ADGB: variants seen among roughly 807,000 people sequenced by gnomAD.
ADGB encodes calpain-7-like protein.
ADGB carries 172 observed loss-of-function variants against 210.5 expected under a neutral mutation model. The ratio of observed to expected loss-of-function variants is 0.82; its 90% CI spans 0.72 to 0.93. The LOEUF is 0.93. Among genes scored for constraint, ADGB ranks in the 40% least tolerant of loss-of-function variants. The probability of loss-of-function intolerance (pLI) is 0.00; values close to 1 mark genes in which losing one functional copy is unlikely to be tolerated. For synonymous variants in ADGB, 658 were observed against 662.7 expected, an observed-to-expected ratio of 0.99 and a Z score of 0.11; for missense variants, 2,025 against 1,964.8, an observed-to-expected ratio of 1.03 and a Z score of -0.58.
At chr6:146,694,362 C>T (rs922978557) in intron 12 of ADGB, among the ~76,000 whole-genome samples, 39 of 152,256 alleles carry the variant, frequency 2.6e-4, no homozygotes, top group Non-Finnish European at 4.9e-4. Context: ...GGCATCTTAC[C>T]ACTGTGTACT....
intron 1 of ADGB, among the ~76,000 whole-genome samples, chr6:146,621,339 A>G (rs117696575): frequency 6.6e-6 from 1 of 152,216 alleles, no homozygotes; most frequent in South Asian, 2.1e-4. Flanking sequence ...GCCAAAATCC[A>G]TGCATCAGTT....
chr6:146,608,569 T>C (rs548606561), intron 1 of ADGB, among the ~76,000 whole-genome samples: 1 of 152,204 alleles, frequency 6.6e-6, no homozygotes, highest in South Asian at 2.1e-4. Context: ...TCTTATATGT[T>C]GTACCTTTGT....
intron 8 of ADGB, among the ~76,000 whole-genome samples, chr6:146,675,964 C>T (rs1436196134): frequency 6.6e-6 from 1 of 152,040 alleles, no homozygotes; most frequent in Non-Finnish European, 1.5e-5. Flanking sequence ...TCAGCACAGG[C>T]TTTGCTGTGT....
intron 33 of ADGB, among the ~76,000 whole-genome samples, chr6:146,790,070 A>G (rs1364805871): frequency 6.6e-6 from 1 of 152,194 alleles, no homozygotes; most frequent in East Asian, 1.9e-4. Context: ...TTAACAAATA[A>G]TTATATATAT....
At chr6:146,712,498 T>TTTTTG (rs1373454852) in intron 13 of ADGB, among the ~76,000 whole-genome samples, 4 of 152,180 alleles carry the variant, frequency 2.6e-5, no homozygotes, top group East Asian at 1.9e-4. Flanking sequence ...TGGGTTGTTT[T>TTTTTG]TTTTGTTCTG....
intron 10 of ADGB, among the ~76,000 whole-genome samples, chr6:146,688,546 C>G (rs993168767): frequency 2.0e-4 from 31 of 152,130 alleles, no homozygotes; most frequent in Non-Finnish European, 4.0e-4. Context: ...TTGAGGCATG[C>G]GTGAGAGCCA....
At chr6:146,672,179 A>G (rs1776018680) in intron 7 of ADGB, 41 bp from the exon 8 acceptor site, 1 of 1,455,742 alleles carries the variant, frequency 6.9e-7, no homozygotes, top group African/African-American at 1.4e-5. Context: ...GGAAAAAAAA[A>G]AACATCGTTT....
intron 29 of ADGB, among the ~76,000 whole-genome samples, chr6:146,781,801 C>A (rs115190182): frequency 1.3e-5 from 2 of 152,024 alleles, no homozygotes; most frequent in Admixed American, 6.6e-5. Context: ...CCAAAGCCTG[C>A]GGGTTCATCC....
intron 13 of ADGB, among the ~76,000 whole-genome samples, chr6:146,709,363 G>C (rs778417809): frequency 3.3e-5 from 5 of 152,182 alleles, no homozygotes; most frequent in Non-Finnish European, 7.3e-5. Flanking sequence ...GACTGGCCTT[G>C]TCTGGGAAAG....
At chr6:146,679,630 T>G (rs1185617619) in intron 9 of ADGB, among the ~76,000 whole-genome samples, 1 of 152,192 alleles carries the variant, frequency 6.6e-6, no homozygotes, top group East Asian at 1.9e-4. Context: ...TTATAAAGTG[T>G]AAAGTGGGTT....
intron 17 of ADGB, among the ~76,000 whole-genome samples, chr6:146,723,792 A>G (rs1312940350): frequency 6.6e-6 from 1 of 152,178 alleles, no homozygotes; most frequent in Non-Finnish European, 1.5e-5. Flanking sequence ...TATTTTTTAC[A>G]CTATTTTAGA....
chr6:146,613,739 T>C (rs549590462), intron 1 of ADGB, among the ~76,000 whole-genome samples: 17 of 152,270 alleles, frequency 1.1e-4, no homozygotes, highest in African/African-American at 4.1e-4. Flanking sequence ...TTTTTACCTC[T>C]TGTGCATTCT....
At chr6:146,668,435 G>A (rs1235426334) in intron 7 of ADGB, among the ~76,000 whole-genome samples, 3 of 152,056 alleles carry the variant, frequency 2.0e-5, no homozygotes, top group Non-Finnish European at 4.4e-5. Context: ...TATTTTCAGG[G>A]AGAAAAAACT....
chr6:146,769,271 T>G (rs963057175), intron 29 of ADGB, 140 bp downstream of exon 29: 5 of 468,542 alleles, frequency 1.1e-5, no homozygotes, highest in African/African-American at 3.8e-5. Flanking sequence ...CTCTATATCC[T>G]GTTACATTTC....
At chr6:146,657,409 A>G (rs1389167002) in intron 5 of ADGB, among the ~76,000 whole-genome samples, 1 of 152,178 alleles carries the variant, frequency 6.6e-6, no homozygotes, top group African/African-American at 2.4e-5. Context: ...GGCTAGTACA[A>G]GATAATGCAG....
Position 146,788,472 on chromosome 6 carries a change from T to G in ADGB, c.4399T>G (p.Ser1467Ala). Residue 1467 changes from serine to alanine, a missense_variant, in exon 33 of 36, where the codon TCA (serine) becomes GCA (alanine). By Grantham distance (99) the Ser-to-Ala change is moderately conservative. Coordinates refer to ENST00000397944, the MANE Select transcript of ADGB (RefSeq NM_024694.4). ...SESKEMTQTG[S>A]GSAVWKKWQL... ...GAGCAAAGAGATGACACAAACAGGA[T>G]CAGGGAGTGCGGTGTGGAAGAAGTG... 6.4e-7 allele frequency: 1 copy of G among 1,551,496 alleles called. No homozygotes were observed. Among genetic ancestry groups the G allele is most frequent in the Admixed American group, 2.0e-5 (1 of 50,974 alleles).
intron 35 of ADGB, among the ~76,000 whole-genome samples, chr6:146,810,607 TATAATTG>T (rs943885449): frequency 1.3e-5 from 2 of 151,682 alleles, no homozygotes; most frequent in African/African-American, 2.4e-5. Flanking sequence ...TATAATGGAA[TATAATTG>T]AACCATAAAA....
intron 1 of ADGB, among the ~76,000 whole-genome samples, chr6:146,633,253 C>T (rs1022613620): frequency 6.6e-6 from 1 of 152,156 alleles, no homozygotes; most frequent in African/African-American, 2.4e-5. Flanking sequence ...TCTTCAGTCA[C>T]CAAGCCAGTC....
chr6:146,804,533 TG>T (rs936855204), intron 35 of ADGB, among the ~76,000 whole-genome samples: 1 of 152,106 alleles, frequency 6.6e-6, no homozygotes, highest in Non-Finnish European at 1.5e-5. Context: ...TTCTTTCAGT[TG>T]CCCAAGCAGA....
Sources: allele counts gnomAD v4.1 joint callset (sites outside exome capture counted in the v4.1 genomes callset), GRCh38; gene constraint gnomAD v4.1.1; transcripts MANE v1.5; gene names NCBI Gene and HGNC (gene_info 2026-07-23, HGNC 2026-07-21).